Variants in PPP6R3 observed in about 807,000 individuals in gnomAD.
PPP6R3 encodes protein phosphatase 6 regulatory subunit 3.
PPP6R3 carries 38 observed loss-of-function variants against 110.7 expected under a neutral mutation model. The observed-to-expected ratio is 0.34, with a 90% CI of 0.26 to 0.45. The LOEUF is 0.45. PPP6R3 is among the 20% of genes least tolerant of loss of function. The pLI, the probability that PPP6R3 is intolerant of heterozygous loss-of-function variation, is 1.00. For synonymous variants in PPP6R3, 369 were observed against 373.5 expected (o/e 0.99, Z 0.14); for missense variants, 870 against 1,062.4 (o/e 0.82, Z 2.52).
intron 1 of PPP6R3, among the ~76,000 whole-genome samples, chr11:68,461,622 T>C (rs1334995175): frequency 6.6e-6 from 1 of 152,056 alleles, no homozygotes; most frequent in East Asian, 1.9e-4. Flanking sequence ...ACTTTTTAAT[T>C]ATAGGTGAAC....
intron 1 of PPP6R3, among the ~76,000 whole-genome samples, chr11:68,473,817 C>T (rs61889580): frequency 2.2e-3 from 336 of 152,132 alleles, no homozygotes; most frequent in Non-Finnish European, 3.9e-3. Context: ...CTCTTTATTA[C>T]TGGATTTCTA....
At chr11:68,603,520 G>A in intron 22 of PPP6R3, 28 bp downstream of exon 22, 1 of 1,613,596 alleles carries the variant, frequency 6.2e-7, no homozygotes, top group South Asian at 1.1e-5. Flanking sequence ...CCTGCTGGTA[G>A]CTTCAGGTTA....
chr11:68,579,423 TACA>T (rs1485369727), intron 14 of PPP6R3, among the ~76,000 whole-genome samples: 3 of 152,246 alleles, frequency 2.0e-5, no homozygotes, highest in Non-Finnish European at 4.4e-5. Flanking sequence ...CTGTGTGCAC[TACA>T]ACAAGAGTGC....
chr11:68,612,485 C>A (rs1435114170), intron 23 of PPP6R3, among the ~76,000 whole-genome samples: 1 of 152,050 alleles, frequency 6.6e-6, no homozygotes, highest in Non-Finnish European at 1.5e-5. Flanking sequence ...AAAACCTGGA[C>A]ACTTTGTTAT....
intron 2 of PPP6R3, among the ~76,000 whole-genome samples, chr11:68,531,675 T>C (rs2099241486): frequency 1.3e-5 from 2 of 152,206 alleles, no homozygotes; most frequent in South Asian, 2.1e-4. Flanking sequence ...CTGATTTCAT[T>C]GTTGGATATA....
chr11:68,587,608 TC>T lies in PPP6R3; in HGVS notation c.1633-317del, dbSNP rs151117570. The T allele has an allele frequency of 9.3e-3, 3,701 of 396,548 alleles. 32 individuals are homozygous for T. The highest frequency in any genetic ancestry group is 0.012 in the African/African-American group (580 of 48,576). The allele number at this position is 396,548 out of a possible 1,614,324, so 24.6% of individuals were successfully genotyped here. ...GATACACCTTATAATTTCAGACTGTTCCATGTCATGTGATCACTTTAAACTA... is the reference window on the plus strand; with the variant it reads ...GATACACCTTATAATTTCAGACTGTTCATGTCATGTGATCACTTTAAACTA... On this transcript the variant is annotated intron_variant, in intron 15 of 23. Coordinates refer to ENST00000393800, the MANE Select transcript of PPP6R3 (RefSeq NM_001164161.2).
At chr11:68,544,388 G>A (rs1004854784) in intron 3 of PPP6R3, among the ~76,000 whole-genome samples, 3 of 152,232 alleles carry the variant, frequency 2.0e-5, no homozygotes, top group South Asian at 4.1e-4. Flanking sequence ...TCCCTACAGA[G>A]TGCCTTAAGT....
chr11:68,578,814 T>C (rs955537117), intron 14 of PPP6R3, among the ~76,000 whole-genome samples: 3 of 152,242 alleles, frequency 2.0e-5, no homozygotes, highest in African/African-American at 7.2e-5. Context: ...AGCAGATTCA[T>C]ATACTCCCTG....
In PPP6R3 at chr11:68,603,505, G is replaced by A. The variant is rs1450064149; in HGVS notation, c.2450+13G>A. Reference sequence around the variant, plus strand: ...CGGTCTTCAAAAGGTAACCAGGGGTGAGATCCTGCTGGTAGCTTCAGGTTA... The same window carrying A: ...CGGTCTTCAAAAGGTAACCAGGGGTAAGATCCTGCTGGTAGCTTCAGGTTA... On this transcript the variant is annotated intron_variant, in intron 22 of 23. Coordinates refer to ENST00000393800, the MANE Select transcript of PPP6R3 (RefSeq NM_001164161.2). 6.2e-7 allele frequency: 1 copy of A among 1,614,054 alleles called. No individual in the cohort carries two copies. Among genetic ancestry groups the A allele is most frequent in the South Asian group, 1.1e-5 (1 of 91,058 alleles).
At chr11:68,545,974 A>G (rs1033863692) in intron 4 of PPP6R3, among the ~76,000 whole-genome samples, 9 of 152,242 alleles carry the variant, frequency 5.9e-5, no homozygotes, top group African/African-American at 1.9e-4. Context: ...GCCATCCTTC[A>G]TGATAGAAAA....
intron 3 of PPP6R3, among the ~76,000 whole-genome samples, chr11:68,540,371 A>G (rs779907257): frequency 2.0e-5 from 3 of 152,196 alleles, no homozygotes; most frequent in Non-Finnish European, 2.9e-5. Flanking sequence ...GCAAGTTTTT[A>G]TTAGAAGTTT....
intron 14 of PPP6R3, among the ~76,000 whole-genome samples, chr11:68,582,413 G>T (rs940401849): frequency 1.3e-5 from 2 of 152,208 alleles, no homozygotes; most frequent in African/African-American, 4.8e-5. Context: ...GTTCATGTTT[G>T]TGTTTTTGCT....
At chr11:68,561,915 A>C (rs534361160) in intron 8 of PPP6R3, among the ~76,000 whole-genome samples, 2 of 152,310 alleles carry the variant, frequency 1.3e-5, no homozygotes, top group Admixed American at 6.5e-5. Context: ...ACAAGCCATC[A>C]TGTCCAGCCA....
intron 1 of PPP6R3, among the ~76,000 whole-genome samples, chr11:68,477,105 T>G (rs1362580598): frequency 1.3e-5 from 2 of 152,238 alleles, no homozygotes; most frequent in Admixed American, 1.3e-4. Flanking sequence ...GAGGCTAGTT[T>G]TAGTTTGTGC....
chr11:68,461,707 C>G (rs529114725), intron 1 of PPP6R3, among the ~76,000 whole-genome samples: 1 of 152,264 alleles, frequency 6.6e-6, no homozygotes, highest in African/African-American at 2.4e-5. Flanking sequence ...CCTGGTACTT[C>G]ACGTTTTCTC....
chr11:68,498,064 G>A (rs1176915902), intron 1 of PPP6R3, among the ~76,000 whole-genome samples: 2 of 152,092 alleles, frequency 1.3e-5, no homozygotes, highest in Admixed American at 1.3e-4. Flanking sequence ...TCTATTATAA[G>A]CTCTTTGGAC....
At chr11:68,581,349 A>G (rs1483813525) in intron 14 of PPP6R3, among the ~76,000 whole-genome samples, 1 of 152,242 alleles carries the variant, frequency 6.6e-6, no homozygotes, top group East Asian at 1.9e-4. Flanking sequence ...ATCTTTAATT[A>G]AAGAGTGTTA....
rs571714479 is a variant in PPP6R3 at position 68,491,870 on chromosome 11, TA to T, written c.-157-27621del. ...TAACACTAACGATAGCTGATGAGCT[TA>T]AAAAAAAAACCACACAAAAAACTCA... On this transcript the variant is annotated intron_variant, in intron 1 of 23. Transcript: ENST00000393800. 6.9e-4 allele frequency among the ~76,000 whole-genome samples: 103 copies of T among 148,422 alleles called. 3 individuals are homozygous for T. The highest frequency in any genetic ancestry group is 5.7e-3 in the Admixed American group (84 of 14,806).
chr11:68,512,587 T>C (rs2099116244), intron 1 of PPP6R3, among the ~76,000 whole-genome samples: 1 of 152,242 alleles, frequency 6.6e-6, no homozygotes, highest in Non-Finnish European at 1.5e-5. Flanking sequence ...TGTTATTGTC[T>C]TTATTCGTAA....
Sources: gnomAD v4.1 joint callset for allele counts (sites outside exome capture counted in the v4.1 genomes callset) on GRCh38, gnomAD v4.1.1 for gene constraint, MANE v1.5 for transcripts, NCBI Gene and HGNC (gene_info 2026-07-23, HGNC 2026-07-21) for gene names.